ARID1B: variants seen among roughly 807,000 people sequenced by gnomAD.
The protein encoded by ARID1B is AT-rich interaction domain 1B, also known as AT-rich interactive domain-containing protein 1B.
Under a neutral mutation model 212.3 loss-of-function variants are expected in ARID1B, and 30 were observed. The ratio of observed to expected loss-of-function variants is 0.14; its 90% confidence interval spans 0.11 to 0.19. ARID1B has a LOEUF of 0.19. Ranked by LOEUF, ARID1B falls within the 10% of genes least tolerant of loss-of-function variation. ARID1B has a pLI of 1.00. For missense variants in ARID1B, 2,891 were observed against 3,204.0 expected (o/e 0.90, Z 2.36); for synonymous variants, 1,402 against 1,301.7 (o/e 1.08, Z -1.66).
Position 157,201,618 on chromosome 6 carries a change from G to GCT in ARID1B, c.5263+130_5263+131insCT, listed in dbSNP as rs745897342. 73 of 1,106,708 alleles carry GCT rather than the reference G, an allele frequency of 6.6e-5. No individual in the cohort carries two copies. The African/African-American group carries it at 1.0e-3, about 15-fold the overall frequency. The allele number at this position is 1,106,708 out of a possible 1,614,324, so 68.6% of individuals were successfully genotyped here. On this transcript the variant is annotated intron_variant, in intron 18 of 19. Transcript: ENST00000636930. The surrounding 1 kb of genome is among the most constrained non-coding windows in gnomAD (Gnocchi z 5.2). ...TTATGACTAGAAGTTATCAAGATGC[G>GCT]TTTTTATATAGGAGTAATATAGTTG...
chr6:157,207,688 C>A lies in ARID1B; in HGVS notation c.6916C>A (p.Gln2306Lys), dbSNP rs1308155037. 1 of 1,608,880 alleles carries A rather than the reference C, an allele frequency of 6.2e-7. No individual in the cohort carries two copies. Among genetic ancestry groups the A allele is most frequent in the Non-Finnish European group, 8.5e-7 (1 of 1,175,714 alleles). ...QQSQHNLMHM[Q>K]PPPLEPPSVD... ...GAGCCAGCACAACCTCATGCACATGCAGCCCCCGCCCCTGGAACCACCTAG... is the reference window on the plus strand; with the variant it reads ...GAGCCAGCACAACCTCATGCACATGAAGCCCCCGCCCCTGGAACCACCTAG... Residue 2306 changes from glutamine (Q) to lysine (K), a missense_variant, in exon 20 of 20, where the codon CAG (glutamine) becomes AAG (lysine). Gln to Lys is a moderately conservative substitution (Grantham distance 53). Transcript: ENST00000636930. This position sits in a 1 kb window ranked among gnomAD's most constrained non-coding sequence, Gnocchi z 8.5.
chr6:157,022,167 C>A (rs1043283617), intron 4 of ARID1B: 1 of 72,958 alleles, frequency 1.4e-5, no homozygotes, highest in South Asian at 4.1e-4. Flanking sequence ...CGGAAGGGGG[C>A]GAGGTGGAGG....
intron 4 of ARID1B, among the ~76,000 whole-genome samples, chr6:157,010,284 T>C (rs980966863): frequency 1.1e-5 from 1 of 89,114 alleles, no homozygotes; most frequent in Non-Finnish European, 2.4e-5. Context: ...GCCTGTTTTT[T>C]TTTTTTTTTT....
At chr6:157,116,883 T>C (rs1362954351) in intron 6 of ARID1B, among the ~76,000 whole-genome samples, 1 of 152,214 alleles carries the variant, frequency 6.6e-6, no homozygotes, top group Non-Finnish European at 1.5e-5. Context: ...AATTGGCTTT[T>C]GCTTTATCAG....
At position 157,207,476 on chromosome 6, in the gene ARID1B, A is replaced by G; in HGVS notation, c.6704A>G (p.Tyr2235Cys). Residue 2235 changes from tyrosine to cysteine, a missense_variant, in exon 20 of 20, where the codon TAT becomes TGT. Tyr to Cys is a radical substitution (Grantham distance 194). Transcript: ENST00000636930. This position sits in a 1 kb window ranked among gnomAD's most constrained non-coding sequence, Gnocchi z 8.5. The part of the protein sequence containing the change: ...TPPFSRQEKF[Y>C]ATLVRYVGDR... ...CCATTTAGTCGTCAGGAGAAATTCT[A>G]TGCTACATTAGTTAGGTACGTTGGG... 1.9e-6 allele frequency: 3 copies of G among 1,614,132 alleles called. No individual in the cohort carries two copies. The highest frequency in any genetic ancestry group is 1.7e-6 in the Non-Finnish European group (2 of 1,180,026).
intron 2 of ARID1B, among the ~76,000 whole-genome samples, chr6:156,874,059 A>T (rs1786350603): frequency 6.6e-6 from 1 of 151,968 alleles, no homozygotes; most frequent in Admixed American, 6.6e-5. Context: ...CTAATTTCTT[A>T]TGTTTAGGTT....
chr6:157,008,449 A>T (rs1157196037), intron 4 of ARID1B, among the ~76,000 whole-genome samples: 1 of 152,178 alleles, frequency 6.6e-6, no homozygotes, highest in Non-Finnish European at 1.5e-5. Context: ...CCATTCCCTC[A>T]TTCCAAAGTT....
chr6:156,852,579 C>A (rs1166738475), intron 2 of ARID1B, among the ~76,000 whole-genome samples: 1 of 152,074 alleles, frequency 6.6e-6, no homozygotes, highest in Non-Finnish European at 1.5e-5. Context: ...TCTGAGCCCC[C>A]AATTTTACCA....
intron 4 of ARID1B, among the ~76,000 whole-genome samples, chr6:157,056,844 T>G (rs1782987861): frequency 1.5e-5 from 2 of 137,590 alleles, no homozygotes; most frequent in Admixed American, 7.4e-5. Context: ...TTAAAAAGCT[T>G]TTTTTAACTT....
intron 4 of ARID1B, among the ~76,000 whole-genome samples, chr6:157,065,719 C>T (rs1031091060): frequency 1.3e-5 from 2 of 152,188 alleles, no homozygotes; most frequent in Non-Finnish European, 2.9e-5. Flanking sequence ...AAGAATTTAG[C>T]GTACATTAGT....
intron 7 of ARID1B, among the ~76,000 whole-genome samples, chr6:157,143,230 G>T (rs1177535572): frequency 6.6e-6 from 1 of 152,186 alleles, no homozygotes; most frequent in Non-Finnish European, 1.5e-5. Context: ...GCTGAGGTGG[G>T]CTGGCCCAGC....
chr6:156,798,345 G>A (rs1780542151), intron 1 of ARID1B, among the ~76,000 whole-genome samples: 1 of 152,240 alleles, frequency 6.6e-6, no homozygotes, highest in African/African-American at 2.4e-5. Flanking sequence ...CCTGGCATGC[G>A]GTGGGGCTCA....
Position 157,210,525 on chromosome 6 carries a change from C to T in ARID1B, c.*2634C>T. ...GAGACTAATCCAGGAAGACTTTAGC[C>T]TCCTTTCCATATTCTCACCCCCGAA... On this transcript the variant is annotated 3_prime_UTR_variant, in exon 20 of 20. Coordinates refer to ENST00000636930, the MANE Select transcript of ARID1B (RefSeq NM_001374828.1). 1 of 232,586 alleles carries T rather than the reference C, an allele frequency of 4.3e-6. No individual in the cohort carries two copies. Among genetic ancestry groups the T allele is most frequent in the Non-Finnish European group, 8.5e-6 (1 of 117,708 alleles). The allele number at this position is 232,586 out of a possible 1,614,324, so 14.4% of individuals were successfully genotyped here.
At chr6:157,003,744 A>AG (rs1419785493) in intron 4 of ARID1B, among the ~76,000 whole-genome samples, 1 of 152,240 alleles carries the variant, frequency 6.6e-6, no homozygotes, top group Non-Finnish European at 1.5e-5. Flanking sequence ...GCTGGGGTGC[A>AG]GTAGCACCAT....
chr6:157,006,618 T>C (rs1779263475), intron 4 of ARID1B, among the ~76,000 whole-genome samples: 1 of 152,172 alleles, frequency 6.6e-6, no homozygotes, highest in Admixed American at 6.5e-5. Context: ...TTTTTATCAT[T>C]GGAATGATGT....
At chr6:157,131,283 A>G (rs905542028) in intron 6 of ARID1B, among the ~76,000 whole-genome samples, 4 of 152,194 alleles carry the variant, frequency 2.6e-5, no homozygotes, top group African/African-American at 9.7e-5. Context: ...TCATGGAGCT[A>G]ATGTTTTAGT....
intron 4 of ARID1B, among the ~76,000 whole-genome samples, chr6:157,042,978 C>T (rs1267409006): frequency 2.0e-5 from 3 of 152,112 alleles, no homozygotes; most frequent in Non-Finnish European, 4.4e-5. Flanking sequence ...AACTTTAATC[C>T]TCTTTGGTGA....
chr6:157,076,455 C>A (rs1374497652), intron 4 of ARID1B, among the ~76,000 whole-genome samples: 1 of 151,250 alleles, frequency 6.6e-6, no homozygotes, highest in Non-Finnish European at 1.5e-5. Flanking sequence ...TTTAAAGTTG[C>A]TAATTTATTT....
chr6:156,917,816 T>A (rs1790477518), intron 3 of ARID1B, among the ~76,000 whole-genome samples: 1 of 152,232 alleles, frequency 6.6e-6, no homozygotes, highest in African/African-American at 2.4e-5. Flanking sequence ...TAGCAGTAGA[T>A]CACTTGGTAG....
Sources: gnomAD v4.1 joint callset for allele counts (sites outside exome capture counted in the v4.1 genomes callset) on GRCh38, gnomAD v4.1.1 for gene constraint, Gnocchi (gnomAD v3.1) non-coding constraint, MANE v1.5 for transcripts, NCBI Gene and HGNC (gene_info 2026-07-23, HGNC 2026-07-21) for gene names.